CEACAM3: variants seen among roughly 807,000 people sequenced by gnomAD.
CEACAM3 encodes the protein CEA cell adhesion molecule 3.
Under a neutral mutation model 30.1 loss-of-function variants are expected in CEACAM3, and 32 were observed. That is an observed-to-expected ratio of 1.06 (90% confidence interval 0.80 to 1.43). The LOEUF (loss-of-function observed/expected upper bound fraction) is 1.43. Among genes scored for constraint, CEACAM3 ranks in the 40% most tolerant of loss-of-function variants. The pLI is 0.00. For missense variants in CEACAM3, 290 were observed against 316.3 expected, an observed-to-expected ratio of 0.92 and a Z score of 0.63; for synonymous variants, 134 against 127.2, an observed-to-expected ratio of 1.05 and a Z score of -0.36.
rs1555827439 is a variant in CEACAM3 at position 41,810,365 on chromosome 19, C to T, written c.627+11C>T. ...AGCTCTGCCTTCTCGGTAAGCCTGTCCCCTTCCAGCCCCTTTCTACTGGGG... is the reference window on the plus strand; with the variant it reads ...AGCTCTGCCTTCTCGGTAAGCCTGTTCCCTTCCAGCCCCTTTCTACTGGGG... On this transcript the variant is annotated intron_variant, in intron 5 of 6. Transcript: ENST00000357396. 1.9e-6 allele frequency: 3 copies of T among 1,595,352 alleles called. No homozygotes were observed. The highest frequency in any genetic ancestry group is 2.7e-5 in the African/African-American group (2 of 74,750).
chr19:41,804,266 C>T (rs1378456061), intron 2 of CEACAM3, among the ~76,000 whole-genome samples: 1 of 112,724 alleles, frequency 8.9e-6, no homozygotes, highest in East Asian at 2.4e-4. Flanking sequence ...GGGCCCACTG[C>T]TTGTTCCACA....
At chr19:41,804,039 C>G (rs112219122) in intron 2 of CEACAM3, among the ~76,000 whole-genome samples, 1 of 150,478 alleles carries the variant, frequency 6.6e-6, no homozygotes, top group African/African-American at 2.5e-5. Context: ...CAAGATAGCG[C>G]GATTTCACTC....
intron 2 of CEACAM3, among the ~76,000 whole-genome samples, chr19:41,801,132 G>A (rs1280968916): frequency 6.6e-6 from 1 of 152,160 alleles, no homozygotes; most frequent in Non-Finnish European, 1.5e-5. Flanking sequence ...TCACACCAGT[G>A]AGGATGCCCC....
In CEACAM3 at chr19:41,810,024, G is replaced by C; in HGVS notation, c.595+7G>C. The C allele has an allele frequency of 6.2e-7, 1 of 1,613,686 alleles. No homozygotes were observed. The highest frequency in any genetic ancestry group is 2.2e-5 in the East Asian group (1 of 44,874). On this transcript the variant is annotated splice_region_variant and intron_variant, in intron 4 of 6. Coordinates refer to ENST00000357396, the MANE Select transcript of CEACAM3 (RefSeq NM_001815.5). ...CCCCAAGCCCTTGCCCCTGGTGAGT[G>C]TCCTCTCAGCCCAGGTGTGGCTGGG...
intron 3 of CEACAM3, chr19:41,809,150 A>T (rs1555827251): frequency 9.0e-6 from 2 of 222,494 alleles, no homozygotes; most frequent in African/African-American, 5.0e-5. Flanking sequence ...TTAAGGCCCC[A>T]CCCCTGAGTG....
At chr19:41,810,495 A>G in intron 5 of CEACAM3, 141 bp downstream of exon 5, 2 of 1,041,606 alleles carry the variant, frequency 1.9e-6, no homozygotes, top group Non-Finnish European at 1.4e-6. Context: ...TGCCCTGGCC[A>G]GGAGCTGGGC....
intron 1 of CEACAM3, 62 bp downstream of exon 1, chr19:41,796,803 C>T: frequency 6.5e-7 from 1 of 1,548,364 alleles, no homozygotes; most frequent in Non-Finnish European, 8.7e-7. Context: ...CTGGGGTCTC[C>T]TGGGGAGGAT....
In CEACAM3 at chr19:41,810,910, C is replaced by A. The variant is rs1387526159; in HGVS notation, c.693+13C>A. On this transcript the variant is annotated intron_variant, in intron 6 of 6. Coordinates refer to ENST00000357396, the MANE Select transcript of CEACAM3 (RefSeq NM_001815.5). ...TTCCATCTATGAGGTGAGTGTGGGCCACGGATGTTCTGGTCCCACAGGCCC... is the reference window on the plus strand; with the variant it reads ...TTCCATCTATGAGGTGAGTGTGGGCAACGGATGTTCTGGTCCCACAGGCCC... 37 of 1,611,620 alleles carry A rather than the reference C, an allele frequency of 2.3e-5. No homozygotes were observed. The highest frequency in any genetic ancestry group is 2.9e-5 in the Non-Finnish European group (34 of 1,178,632).
At chr19:41,811,144 G>T (rs782488653) in intron 6 of CEACAM3, 28 bp from the exon 7 acceptor site, 1 of 1,610,738 alleles carries the variant, frequency 6.2e-7, no homozygotes, top group Non-Finnish European at 8.5e-7. Flanking sequence ...AGACTAGAGG[G>T]GTCCAGGCCT....
chr19:41,808,932 T>C lies in CEACAM3; in HGVS notation c.542+2T>C, dbSNP rs1555827229. 5 of 1,563,058 alleles carry C rather than the reference T, an allele frequency of 3.2e-6. No homozygotes were observed. The South Asian group carries it at 5.9e-5, about 18-fold the overall frequency. On this transcript the variant is annotated splice_donor_variant, in intron 3 of 6. Coordinates refer to ENST00000357396, the MANE Select transcript of CEACAM3 (RefSeq NM_001815.5). LOFTEE classifies it high-confidence loss of function. ...CCTGCTCCTTGCCAAAACTGGAAGGTACCACAGCTTTTTCCCATCCTTCTC... is the reference window on the plus strand; with the variant it reads ...CCTGCTCCTTGCCAAAACTGGAAGGCACCACAGCTTTTTCCCATCCTTCTC...
intron 2 of CEACAM3, chr19:41,807,083 G>C (rs2073208063): frequency 6.2e-7 from 1 of 1,609,124 alleles, no homozygotes; most frequent in Non-Finnish European, 8.5e-7. Flanking sequence ...TGCCACACAG[G>C]GCAATCTTCT....
At position 41,797,929 on chromosome 19, in the gene CEACAM3, T is replaced by A; in HGVS notation, c.405T>A (p.Thr135=). ...IKSDLVNEEA[T]GQFHVYQENA... ...CAGATCTTGTGAATGAAGAAGCAAC[T>A]GGACAGTTCCATGTATACCGTGAGT... Residue 135 remains threonine (T), a synonymous_variant, in exon 2 of 7, where the codon ACT becomes ACA. Transcript: ENST00000357396. The A allele has an allele frequency of 6.2e-7, 1 of 1,608,102 alleles. No homozygotes were observed. Among genetic ancestry groups the A allele is most frequent in the Non-Finnish European group, 8.5e-7 (1 of 1,176,882 alleles).
chr19:41,809,388 C>G (rs2073230474), intron 3 of CEACAM3: 1 of 167,738 alleles, frequency 6.0e-6, no homozygotes, highest in Non-Finnish European at 1.3e-5. Flanking sequence ...GTCAGTGCCC[C>G]CCATGGCTGA....
chr19:41,807,781 C>T (rs1261660493), intron 2 of CEACAM3, among the ~76,000 whole-genome samples: 4 of 152,134 alleles, frequency 2.6e-5, no homozygotes, highest in East Asian at 1.9e-4. Flanking sequence ...CCAGATGGAC[C>T]GGGCATTCCC....
chr19:41,806,294 T>A (rs1367693956), intron 2 of CEACAM3, among the ~76,000 whole-genome samples: 2 of 152,084 alleles, frequency 1.3e-5, no homozygotes, highest in South Asian at 2.1e-4. Context: ...CCTCCCCAAG[T>A]GCTGGGATTA....
chr19:41,806,489 A>G (rs185599505), intron 2 of CEACAM3, among the ~76,000 whole-genome samples: 5 of 152,274 alleles, frequency 3.3e-5, no homozygotes, highest in Non-Finnish European at 4.4e-5. Flanking sequence ...AAGGAACAGG[A>G]GAGGTGCCAG....
chr19:41,806,331 T>C (rs571707357), intron 2 of CEACAM3, among the ~76,000 whole-genome samples: 546 of 152,150 alleles, frequency 3.6e-3, no homozygotes, highest in Non-Finnish European at 6.1e-3. Context: ...CACCCGGCCT[T>C]CTACTATACC....
rs782532408 is a variant in CEACAM3 at position 41,810,911 on chromosome 19, A to G, written c.693+14A>G. 1.2e-6 allele frequency: 2 copies of G among 1,611,444 alleles called. No individual in the cohort carries two copies. Among genetic ancestry groups the G allele is most frequent in the Admixed American group, 1.7e-5 (1 of 59,510 alleles). On this transcript the variant is annotated intron_variant, in intron 6 of 6. Transcript: ENST00000357396. ...TCCATCTATGAGGTGAGTGTGGGCCACGGATGTTCTGGTCCCACAGGCCCC... is the reference window on the plus strand; with the variant it reads ...TCCATCTATGAGGTGAGTGTGGGCCGCGGATGTTCTGGTCCCACAGGCCCC...
intron 2 of CEACAM3, among the ~76,000 whole-genome samples, chr19:41,808,515 A>G (rs1177803121): frequency 6.6e-6 from 1 of 152,218 alleles, no homozygotes; most frequent in Non-Finnish European, 1.5e-5. Context: ...GAAAAGGAGA[A>G]ACAGAGGGAA....
Sources: gnomAD v4.1 joint callset for allele counts (sites outside exome capture counted in the v4.1 genomes callset) on GRCh38, gnomAD v4.1.1 for gene constraint, MANE v1.5 for transcripts, NCBI Gene and HGNC (gene_info 2026-07-23, HGNC 2026-07-21) for gene names.